Variants in RBKS observed in about 807,000 individuals in gnomAD.
The protein encoded by RBKS is ribokinase.
RBKS carries 33 observed loss-of-function variants against 33.9 expected under a neutral mutation model. That is an observed-to-expected ratio of 0.97 (90% confidence interval 0.74 to 1.30). The LOEUF is 1.30. Among genes scored for constraint, RBKS ranks in the 50% most tolerant of loss-of-function variants. The pLI is 0.00. For synonymous variants in RBKS, 125 were observed against 143.0 expected (o/e 0.87, Z 0.90); for missense variants, 361 against 392.6 (o/e 0.92, Z 0.68).
At chr2:27,873,959 G>A (rs144138971) in intron 1 of RBKS, among the ~76,000 whole-genome samples, 1 of 152,278 alleles carries the variant, frequency 6.6e-6, no homozygotes, top group African/African-American at 2.4e-5. Flanking sequence ...CCTTCTGTAT[G>A]TATACAAGAA....
At chr2:27,872,410 T>G (rs1041547466) in intron 1 of RBKS, among the ~76,000 whole-genome samples, 3 of 152,032 alleles carry the variant, frequency 2.0e-5, no homozygotes, top group Non-Finnish European at 4.4e-5. Flanking sequence ...GCGCTGTTTA[T>G]GAGACACATT....
At chr2:27,796,950 TG>T (rs1461661227) in intron 7 of RBKS, among the ~76,000 whole-genome samples, 1 of 152,186 alleles carries the variant, frequency 6.6e-6, no homozygotes, top group Non-Finnish European at 1.5e-5. Context: ...CCTGGGCCCT[TG>T]ACTATGGCCA....
At chr2:27,867,265 C>T (rs967816114) in intron 1 of RBKS, among the ~76,000 whole-genome samples, 4 of 151,960 alleles carry the variant, frequency 2.6e-5, no homozygotes, top group African/African-American at 9.7e-5. Flanking sequence ...CCAACATGGG[C>T]AGAAGTAAAT....
At chr2:27,882,747 G>T (rs1664443097) in intron 1 of RBKS, among the ~76,000 whole-genome samples, 1 of 152,172 alleles carries the variant, frequency 6.6e-6, no homozygotes, top group African/African-American at 2.4e-5. Flanking sequence ...CTACACAGTT[G>T]TTAAAAAGAA....
rs1677957901 is a variant in RBKS, at chr2:27,809,757, T to C, written c.795+17810A>G. 8.4e-6 allele frequency: 3 copies of C among 357,816 alleles called. No homozygotes were observed. In the Admixed American group the frequency reaches 1.4e-4, roughly 16 times the overall value. 22.2% of individuals were successfully genotyped at this position (357,816 alleles called of 1,614,324 possible). ...GTGAGAGGTACTTGAAATAAAATCATTGTTCTCCAAGAAAAATGCATGCTA... is the reference window on the plus strand; with the variant it reads ...GTGAGAGGTACTTGAAATAAAATCACTGTTCTCCAAGAAAAATGCATGCTA... On this transcript the variant is annotated intron_variant, in intron 7 of 7. Transcript: ENST00000302188.
At chr2:27,847,975 A>G (rs1335231005) in intron 3 of RBKS, 59 bp downstream of exon 3, 26 of 986,394 alleles carry the variant, frequency 2.6e-5, no homozygotes, top group Non-Finnish European at 3.4e-5. Context: ...AATTTTTCTC[A>G]TAACAAAATC....
In RBKS at chr2:27,872,677, A is replaced by G. The variant is rs1352384426; in HGVS notation, c.90-14106T>C. 2.0e-5 allele frequency among the ~76,000 whole-genome samples: 3 copies of G among 152,220 alleles called. No individual in the cohort carries two copies. In the East Asian group the frequency reaches 5.8e-4, roughly 29 times the overall value. ...GTATAACCAATAAATTAGCCGTAAA[A>G]TACATAAAACCAAAAAAATATATAA... is the stretch of plus-strand genomic sequence containing the variant. On this transcript the variant is annotated intron_variant, in intron 1 of 7. Transcript: ENST00000302188.
At chr2:27,824,654 G>T (rs1218726583) in intron 7 of RBKS, among the ~76,000 whole-genome samples, 1 of 151,900 alleles carries the variant, frequency 6.6e-6, no homozygotes, top group South Asian at 2.1e-4. Flanking sequence ...TCCAATTTTT[G>T]GCTATTATGA....
Position 27,810,069 on chromosome 2 carries a change from G to A in RBKS, c.795+17498C>T, listed in dbSNP as rs1182649000. 7.7e-7 allele frequency: 1 copy of A among 1,303,634 alleles called. No homozygotes were observed. Among genetic ancestry groups the A allele is most frequent in the Admixed American group, 2.3e-5 (1 of 43,392 alleles). 80.8% of individuals were successfully genotyped at this position (1,303,634 alleles called of 1,614,324 possible). A position where few individuals can be genotyped will look rare whatever the true frequency, so the allele number is the denominator to read the frequency against. On this transcript the variant is annotated intron_variant, in intron 7 of 7. Transcript: ENST00000302188. This position sits in a 1 kb window ranked among gnomAD's most constrained non-coding sequence, Gnocchi z 4.4. Reference sequence around the variant, plus strand: ...CACTGTGAAAATGAAGGAAGGAACTGAGCAATTGTTCTGTGAATCTAACTG... The same window carrying A: ...CACTGTGAAAATGAAGGAAGGAACTAAGCAATTGTTCTGTGAATCTAACTG...
intron 7 of RBKS, among the ~76,000 whole-genome samples, chr2:27,789,555 C>A (rs1677468265): frequency 6.6e-6 from 1 of 151,706 alleles, no homozygotes; most frequent in African/African-American, 2.4e-5. Flanking sequence ...TGTGCCACCA[C>A]ACCTGGCCTT....
chr2:27,813,872 G>A (rs1464297011), intron 7 of RBKS, among the ~76,000 whole-genome samples: 1 of 152,162 alleles, frequency 6.6e-6, no homozygotes, highest in East Asian at 1.9e-4. Context: ...ACTGCAGAAT[G>A]ACAAAGAACG....
Position 27,890,272 on chromosome 2 carries a change from A to G in RBKS, c.74T>C (p.Met25Thr). 1 of 1,613,794 alleles carries G rather than the reference A, an allele frequency of 6.2e-7. No individual in the cohort carries two copies. ...CCGGACTAACCTGACCAGGTCGGTC[A>G]TGCAGGAGCCCACCACTACCACCGC... ...VAAVVVVGSC[M>T]TDLVSLTSRL... Residue 25 changes from methionine (M) to threonine (T), a missense_variant, in exon 1 of 8, where the codon ATG becomes ACG. Transcript: ENST00000302188. This position sits in a 1 kb window ranked among gnomAD's most constrained non-coding sequence, Gnocchi z 4.8.
chr2:27,882,509 A>G (rs1664439184), intron 1 of RBKS, among the ~76,000 whole-genome samples: 2 of 152,320 alleles, frequency 1.3e-5, no homozygotes, highest in South Asian at 4.1e-4. Flanking sequence ...CATTGTGGAA[A>G]TCAGGGTTGC....
chr2:27,854,371 C>A (rs767187514), intron 2 of RBKS, among the ~76,000 whole-genome samples: 1 of 152,134 alleles, frequency 6.6e-6, no homozygotes, highest in Non-Finnish European at 1.5e-5. Flanking sequence ...CTTAATGTAC[C>A]GAGTTAGGAG....
At chr2:27,856,065 T>C (rs1234811603) in intron 2 of RBKS, among the ~76,000 whole-genome samples, 1 of 152,238 alleles carries the variant, frequency 6.6e-6, no homozygotes, top group Non-Finnish European at 1.5e-5. Flanking sequence ...GGATAAAATA[T>C]GATTAATGGA....
intron 7 of RBKS, among the ~76,000 whole-genome samples, chr2:27,801,656 G>A (rs1484303167): frequency 6.6e-6 from 1 of 151,990 alleles, no homozygotes; most frequent in Non-Finnish European, 1.5e-5. Context: ...CCTGAGGCTG[G>A]CTAATTTATA....
In RBKS at chr2:27,781,462, T is replaced by C. The variant is rs115020191; in HGVS notation, c.*153A>G. The C allele has an allele frequency of 7.6e-4, 468 of 613,332 alleles. 1 individual carries two copies. The African/African-American group carries it at 8.2e-3, about 11-fold the overall frequency. 38.0% of individuals were successfully genotyped at this position (613,332 alleles called of 1,614,324 possible). ...GCATGGAAAGCAAAAGAATCATCGTTATAAATAAATTGAAGCTTGAGGATG... is the reference window on the plus strand; with the variant it reads ...GCATGGAAAGCAAAAGAATCATCGTCATAAATAAATTGAAGCTTGAGGATG... On this transcript the variant is annotated 3_prime_UTR_variant, in exon 8 of 8. Transcript: ENST00000302188.
In RBKS at chr2:27,810,583, C is replaced by T. The variant is rs537241610; in HGVS notation, c.795+16984G>A. The stretch of plus-strand genomic sequence containing the variant: ...AGTAGGTTTTAGCCTTTATGTGAGT[C>T]GGAGTAAAAAATATGCTGAAAACCA... On this transcript the variant is annotated intron_variant, in intron 7 of 7. Transcript: ENST00000302188. The surrounding 1 kb of genome is among the most constrained non-coding windows in gnomAD (Gnocchi z 4.4). Among the ~76,000 whole-genome samples the T allele has an allele frequency of 2.6e-5, 4 of 152,236 alleles. No homozygotes were observed. Among genetic ancestry groups the T allele is most frequent in the Admixed American group, 1.3e-4 (2 of 15,292 alleles).
chr2:27,802,368 T>C (rs1192364301), intron 7 of RBKS, among the ~76,000 whole-genome samples: 1 of 152,062 alleles, frequency 6.6e-6, no homozygotes, highest in East Asian at 1.9e-4. Flanking sequence ...CTATTAATTA[T>C]ATTTTCAGTT....
Sources: gnomAD v4.1 joint callset for allele counts (sites outside exome capture counted in the v4.1 genomes callset) on GRCh38, gnomAD v4.1.1 for gene constraint, Gnocchi (gnomAD v3.1) non-coding constraint, MANE v1.5 for transcripts, NCBI Gene and HGNC (gene_info 2026-07-23, HGNC 2026-07-21) for gene names.